GON4L: variants seen among roughly 807,000 people sequenced by gnomAD.
GON4L encodes the protein GON-4-like protein.
A neutral mutation model predicts 211.8 loss-of-function variants in GON4L; 87 were observed. That is an observed-to-expected ratio of 0.41 (90% CI 0.35 to 0.49). The LOEUF (loss-of-function observed/expected upper bound fraction) is 0.49. Ranked by LOEUF, GON4L falls within the 20% of genes least tolerant of loss-of-function variation. The probability of loss-of-function intolerance (pLI) is 0.15; values close to 1 mark genes in which losing one functional copy is unlikely to be tolerated. For missense variants in GON4L, 2,155 were observed against 2,659.5 expected (o/e 0.81, Z 4.17); for synonymous variants, 875 against 962.6 (o/e 0.91, Z 1.68).
rs375731615 is a variant in GON4L at position 155,852,840 on chromosome 1, C to T, written c.505+436G>A. Among the ~76,000 whole-genome samples, 6 of 151,828 alleles carry T rather than the reference C, an allele frequency of 4.0e-5. No individual in the cohort carries two copies. In the South Asian group the frequency reaches 6.3e-4, roughly 16 times the overall value. ...CATAAAGTTCACTGCTGGCCAGGCA[C>T]GGTGGCTCACACCTGTAATCCCAGC... On this transcript the variant is annotated intron_variant, in intron 2 of 31. Coordinates refer to ENST00000368331, the MANE Select transcript of GON4L (RefSeq NM_001282860.2).
At chr1:155,756,051 G>T (rs1480378601) in intron 27 of GON4L, among the ~76,000 whole-genome samples, 2 of 151,582 alleles carry the variant, frequency 1.3e-5, no homozygotes, top group African/African-American at 4.9e-5. Context: ...TACCTGAGGA[G>T]TTCATATCCT....
At chr1:155,756,614 A>G (rs1486500183) in intron 27 of GON4L, 3 of 225,734 alleles carry the variant, frequency 1.3e-5, no homozygotes, top group Non-Finnish European at 2.7e-5. Context: ...ATAATTTTCA[A>G]TAACTTGGCA....
chr1:155,775,091 C>T lies in GON4L; in HGVS notation c.2261G>A (p.Cys754Tyr), dbSNP rs1663641795. 2.5e-6 allele frequency: 4 copies of T among 1,613,990 alleles called. No individual in the cohort carries two copies. The highest frequency in any genetic ancestry group is 1.1e-5 in the South Asian group (1 of 91,076). Residue 754 changes from cysteine (C) to tyrosine (Y), a missense_variant, in exon 17 of 32, where the codon TGT (cysteine) becomes TAT (tyrosine). Physicochemically the swap from Cys to Tyr is radical, Grantham distance 194. Transcript: ENST00000368331. ...NPKFQTLFQPCNLMGAMQLIE... is the reference protein window; with the variant it reads ...NPKFQTLFQPYNLMGAMQLIE... ...CAGCTGCATAGCTCCCATCAAGTTACAGGGTTGGAACAGGGTCTGAAACTT... is the reference window on the plus strand; with the variant it reads ...CAGCTGCATAGCTCCCATCAAGTTATAGGGTTGGAACAGGGTCTGAAACTT...
intron 2 of GON4L, among the ~76,000 whole-genome samples, chr1:155,840,237 T>C (rs1215189857): frequency 6.6e-6 from 1 of 152,252 alleles, no homozygotes; most frequent in African/African-American, 2.4e-5. Flanking sequence ...TCCGATTAAA[T>C]TCAAGTATTA....
intron 14 of GON4L, among the ~76,000 whole-genome samples, chr1:155,778,079 G>T (rs975772332): frequency 6.6e-6 from 1 of 151,942 alleles, no homozygotes; most frequent in African/African-American, 2.4e-5. Context: ...TACAAATAAA[G>T]AAAAAATTAA....
At chr1:155,796,002 T>C (rs2101998797) in intron 11 of GON4L, among the ~76,000 whole-genome samples, 1 of 152,212 alleles carries the variant, frequency 6.6e-6, no homozygotes. Flanking sequence ...TATTCTAATA[T>C]CTGAAAAAAT....
intron 15 of GON4L, among the ~76,000 whole-genome samples, chr1:155,777,080 A>G (rs1176244053): frequency 1.3e-5 from 2 of 152,182 alleles, no homozygotes; most frequent in African/African-American, 4.8e-5. Flanking sequence ...TTCAGAATAG[A>G]TTACTAAGGA....
chr1:155,812,153 A>G (rs1004297655), intron 10 of GON4L, among the ~76,000 whole-genome samples: 1 of 152,182 alleles, frequency 6.6e-6, no homozygotes, highest in African/African-American at 2.4e-5. Flanking sequence ...GGGAAAACCA[A>G]GCACACACCA....
intron 1 of GON4L, among the ~76,000 whole-genome samples, chr1:155,855,754 G>C (rs572229349): frequency 6.6e-6 from 1 of 152,196 alleles, no homozygotes; most frequent in Non-Finnish European, 1.5e-5. Context: ...AGGCCAAGGC[G>C]GGCGGATAAC....
chr1:155,758,756 G>A (rs1661450984), intron 24 of GON4L, among the ~76,000 whole-genome samples: 1 of 152,196 alleles, frequency 6.6e-6, no homozygotes. Context: ...ATGCATGCCT[G>A]TAATCCCTGC....
intron 17 of GON4L, among the ~76,000 whole-genome samples, chr1:155,774,459 C>T (rs912086879): frequency 3.3e-5 from 5 of 151,982 alleles, no homozygotes; most frequent in African/African-American, 9.7e-5. Flanking sequence ...CAGGCGCGTG[C>T]CCCCATGCCT....
intron 2 of GON4L, among the ~76,000 whole-genome samples, chr1:155,851,163 G>A (rs1671752206): frequency 2.0e-5 from 3 of 150,516 alleles, no homozygotes; most frequent in Non-Finnish European, 4.4e-5. Flanking sequence ...CACTATCCTG[G>A]CTAACACGGT....
At chr1:155,754,124 C>G (rs1047683446) in intron 28 of GON4L, 1 of 528,296 alleles carries the variant, frequency 1.9e-6, no homozygotes, top group Non-Finnish European at 3.4e-6. Flanking sequence ...TTTCTAATAT[C>G]TGAGGGAAAT....
chr1:155,800,121 C>T (rs995337416), intron 11 of GON4L, among the ~76,000 whole-genome samples: 2 of 151,404 alleles, frequency 1.3e-5, no homozygotes, highest in African/African-American at 4.9e-5. Context: ...ATCGCTTGAA[C>T]CTGGGAGGCA....
chr1:155,782,856 C>T (rs1664562555), intron 14 of GON4L, among the ~76,000 whole-genome samples: 1 of 152,010 alleles, frequency 6.6e-6, no homozygotes, highest in Admixed American at 6.6e-5. Flanking sequence ...GATGGGGTTT[C>T]ACCATGTTGG....
chr1:155,765,417 A>C lies in GON4L; in HGVS notation c.4056T>G (p.His1352Gln), dbSNP rs781560257. 54 of 1,614,056 alleles carry C rather than the reference A, an allele frequency of 3.3e-5. No homozygotes were observed. Among genetic ancestry groups the C allele is most frequent in the Non-Finnish European group, 4.4e-5 (52 of 1,180,034 alleles). The change falls in exon 21 of 32, where the codon CAT becomes CAG. Residue 1352 changes from histidine (H) to glutamine (Q), a missense_variant. Physicochemically the swap from His to Gln is conservative, Grantham distance 24 (BLOSUM62 0). Transcript: ENST00000368331. ...RDICDDIKVE[H>Q]AVELDTGAPS... ...GGGCACCAGTGTCCAATTCCACAGC[A>C]TGTTCCACTTTGATGTCATCACAAA...
chr1:155,839,524 C>T (rs1313632880), intron 2 of GON4L, among the ~76,000 whole-genome samples: 1 of 151,918 alleles, frequency 6.6e-6, no homozygotes, highest in Non-Finnish European at 1.5e-5. Context: ...GTGGCACACG[C>T]CTGTTAATTC....
intron 12 of GON4L, among the ~76,000 whole-genome samples, chr1:155,785,605 T>G (rs1664861130): frequency 6.6e-6 from 1 of 152,032 alleles, no homozygotes; most frequent in South Asian, 2.1e-4. Context: ...TCCTCCCACC[T>G]CAGCTCCCCA....
At chr1:155,814,947 T>C (rs1668111076) in intron 8 of GON4L, among the ~76,000 whole-genome samples, 1 of 151,868 alleles carries the variant, frequency 6.6e-6, no homozygotes. Context: ...ACCCCATCTC[T>C]ACTAAAAATA....
Sources: gnomAD v4.1 joint callset for allele counts (sites outside exome capture counted in the v4.1 genomes callset) on GRCh38, gnomAD v4.1.1 for gene constraint, MANE v1.5 for transcripts, NCBI Gene and HGNC (gene_info 2026-07-23, HGNC 2026-07-21) for gene names.